The following CEP250 variants were observed in gnomAD, a reference collection of about 807,000 sequenced individuals.
CEP250 encodes the protein centrosome-associated protein CEP250.
A neutral mutation model predicts 315.7 loss-of-function variants in CEP250; 242 were observed. The observed-to-expected ratio is 0.77, with a 90% CI of 0.69 to 0.85. CEP250 has a LOEUF of 0.85. Ranked by LOEUF, CEP250 falls within the 40% of genes least tolerant of loss-of-function variation. CEP250 has a pLI of 0.00. For synonymous variants in CEP250, 1,088 were observed against 1,175.0 expected, an observed-to-expected ratio of 0.93 and a Z score of 1.51; for missense variants, 2,515 against 2,886.4, an observed-to-expected ratio of 0.87 and a Z score of 2.95.
rs2064396415 is a variant in CEP250, at chr20:35,513,414, A to G, written c.*1788A>G. 1 of 152,098 alleles carries G rather than the reference A, an allele frequency of 6.6e-6. No homozygotes were observed. Among genetic ancestry groups the G allele is most frequent in the South Asian group, 2.1e-4 (1 of 4,826 alleles). The allele number at this position is 152,098 out of a possible 1,614,324, so 9.4% of individuals were successfully genotyped here. Reference sequence around the variant, plus strand: ...TCTGGGATTATAGACACGTGCCACCATGCCCGGCTAATTTTGTATTTTTAG... The same window carrying G: ...TCTGGGATTATAGACACGTGCCACCGTGCCCGGCTAATTTTGTATTTTTAG... On this transcript the variant is annotated 3_prime_UTR_variant, in exon 35 of 35. Transcript: ENST00000397527.
At position 35,496,135 on chromosome 20, in the gene CEP250, G is replaced by A. The variant is rs760630710; in HGVS notation, c.3168-442G>A. 6.6e-5 allele frequency among the ~76,000 whole-genome samples: 10 copies of A among 152,098 alleles called. No individual in the cohort carries two copies. The East Asian group carries it at 9.6e-4, about 15-fold the overall frequency. On this transcript the variant is annotated intron_variant, in intron 24 of 34. Transcript: ENST00000397527. ...TGGGGAAGATTTGGACATGTTGAACGTGAGGTACTAATATAAGGTATGTGT... is the reference window on the plus strand; with the variant it reads ...TGGGGAAGATTTGGACATGTTGAACATGAGGTACTAATATAAGGTATGTGT...
intron 3 of CEP250, among the ~76,000 whole-genome samples, chr20:35,461,397 C>CT (rs1454478181): frequency 1.4e-4 from 21 of 152,194 alleles, no homozygotes; most frequent in African/African-American, 4.6e-4. Flanking sequence ...ACCCAGAACT[C>CT]TTTACCACCA....
At chr20:35,499,680 G>C (rs2147123766) in intron 27 of CEP250, among the ~76,000 whole-genome samples, 1 of 152,330 alleles carries the variant, frequency 6.6e-6, no homozygotes, top group East Asian at 1.9e-4. Context: ...CTAGGAGGAG[G>C]GGGCAATTCA....
In CEP250 at chr20:35,504,675, T is replaced by C. The variant is rs771075290; in HGVS notation, c.6306T>C (p.Thr2102=). The C allele has an allele frequency of 6.2e-7, 1 of 1,614,080 alleles. No individual in the cohort carries two copies. Among genetic ancestry groups the C allele is most frequent in the East Asian group, 2.2e-5 (1 of 44,870 alleles). ...AGAGTGTAAGGGAGCTACAGCTGAC[T>C]CTAGCCCAAAAGGAACAGGAGATTC... ...LHQSVRELQL[T]LAQKEQEILE... The change falls in exon 30 of 35, where the codon ACT becomes ACC. Residue 2102 remains threonine, a synonymous_variant. Transcript: ENST00000397527.
Position 35,515,438 on chromosome 20 carries a change from T to C in CEP250, c.*3812T>C. On this transcript the variant is annotated 3_prime_UTR_variant, in exon 35 of 35. Transcript: ENST00000397527. ...TGCTGGTGAAGGCAGGCTTTGTAGA[T>C]GCGGGGCTGAATTGAGCAGCCACAG... is the stretch of plus-strand genomic sequence containing the variant. 6.6e-6 allele frequency: 1 copy of C among 152,236 alleles called. No individual in the cohort carries two copies. The highest frequency in any genetic ancestry group is 1.5e-5 in the Non-Finnish European group (1 of 68,074). 9.4% of individuals were successfully genotyped at this position (152,236 alleles called of 1,614,324 possible).
chr20:35,492,694 G>C (rs2063730639), intron 22 of CEP250, among the ~76,000 whole-genome samples: 1 of 152,182 alleles, frequency 6.6e-6, no homozygotes, highest in South Asian at 2.1e-4. Flanking sequence ...CTTGGATTTT[G>C]TTCTAAGAGC....
chr20:35,502,250 T>C, intron 29 of CEP250, 140 bp from the exon 30 acceptor site: 1 of 772,570 alleles, frequency 1.3e-6, no homozygotes, highest in Non-Finnish European at 2.0e-6. Context: ...AGTATCAGCT[T>C]AAGTGGAATA....
chr20:35,504,502 G>C lies in CEP250; in HGVS notation c.6133G>C (p.Ala2045Pro). 1 of 1,613,884 alleles carries C rather than the reference G, an allele frequency of 6.2e-7. No homozygotes were observed. The highest frequency in any genetic ancestry group is 8.5e-7 in the Non-Finnish European group (1 of 1,179,868). Residue 2045 changes from alanine (A) to proline (P), a missense_variant, in exon 30 of 35, where the codon GCC becomes CCC. Coordinates refer to ENST00000397527, the MANE Select transcript of CEP250 (RefSeq NM_007186.6). ...TGTGCAGCAGCTGCAGCAGGCACTT[G>C]CCCAGAGGGATGAAGAGCTGAGACA... ...EDVQQLQQAL[A>P]QRDEELRHQQ...
intron 1 of CEP250, among the ~76,000 whole-genome samples, chr20:35,456,231 T>G (rs947222653): frequency 6.6e-6 from 1 of 152,182 alleles, no homozygotes. Context: ...TCCTATGGGG[T>G]GAGTTCTTTC....
chr20:35,499,833 G>A (rs2063950802), intron 27 of CEP250, among the ~76,000 whole-genome samples: 1 of 152,146 alleles, frequency 6.6e-6, no homozygotes, highest in South Asian at 2.1e-4. Context: ...AGGTCAGAAG[G>A]GGATGGATTC....
Position 35,507,840 on chromosome 20 carries a change from C to T in CEP250, c.6739C>T (p.Gln2247Ter). 1 of 1,598,914 alleles carries T rather than the reference C, an allele frequency of 6.3e-7. No individual in the cohort carries two copies. ...GGGGTCCAGAGGGGAGCAGGGTGTG[C>T]AGCTGGGAGAGGTGAGCTGGGGGCT... is the stretch of plus-strand genomic sequence containing the variant. ...ELGSRGEQGV[Q>*]LGEVSGVEAE... The change falls in exon 31 of 35, where the codon CAG becomes TAG. Residue 2247 changes from glutamine to a stop codon, truncating the protein, a stop_gained. Transcript: ENST00000397527. LOFTEE classifies it high-confidence loss of function.
At chr20:35,510,492 G>T (rs1218717669) in intron 34 of CEP250, among the ~76,000 whole-genome samples, 1 of 152,184 alleles carries the variant, frequency 6.6e-6, no homozygotes, top group Non-Finnish European at 1.5e-5. Context: ...GCCGCCACTC[G>T]CAGAGAAGTG....
At chr20:35,455,218 G>C (rs1358959987), upstream of CEP250, 1 of 152,344 alleles carries the variant, frequency 6.6e-6, no homozygotes, top group Non-Finnish European at 1.5e-5. Context: ...CTAGCCGGGC[G>C]TCTGCGGGAG....
chr20:35,500,117 G>A lies in CEP250; in HGVS notation c.3846G>A (p.Gln1282=). The A allele has an allele frequency of 1.2e-6, 2 of 1,613,818 alleles. No individual in the cohort carries two copies. Among genetic ancestry groups the A allele is most frequent in the Non-Finnish European group, 1.7e-6 (2 of 1,179,944 alleles). The change falls in exon 28 of 35, where the codon CAG becomes CAA. Residue 1282 remains glutamine, a synonymous_variant. Transcript: ENST00000397527. The stretch of plus-strand genomic sequence containing the variant: ...CTGATACTGAGGCTGAGAAGAGCCA[G>A]GTCCACACAGAGTTGCAGGATCTGC... The part of the protein sequence containing the change: ...RLTDTEAEKS[Q]VHTELQDLQR...
In CEP250 at chr20:35,466,061, A is replaced by C. The variant is rs2062870657; in HGVS notation, c.349A>C (p.Asn117His). 5 of 1,614,218 alleles carry C rather than the reference A, an allele frequency of 3.1e-6. No homozygotes were observed. In the East Asian group the frequency reaches 1.1e-4, roughly 36 times the overall value. ...CAGGTGTGAGAGTCTAGCAGAGGTG[A>C]ACACCCAGCTTCGACTGCACATGGA... ...QQRCESLAEV[N>H]TQLRLHMEKA... Residue 117 changes from asparagine (N) to histidine (H), a missense_variant, in exon 7 of 35, where the codon AAC becomes CAC. Physicochemically the swap from Asn to His is moderately conservative, Grantham distance 68. Coordinates refer to ENST00000397527, the MANE Select transcript of CEP250 (RefSeq NM_007186.6).
In CEP250 at chr20:35,504,109, G is replaced by C. The variant is rs2064107628; in HGVS notation, c.5740G>C (p.Ala1914Pro). 1.2e-6 allele frequency: 2 copies of C among 1,613,110 alleles called. No individual in the cohort carries two copies. The highest frequency in any genetic ancestry group is 2.7e-5 in the African/African-American group (2 of 74,930). ...CCTCCAGCAGCAGTGTGCTGAGCAG[G>C]CACAGGAGCATGAGGTGGAGACCAG... ...LALQQQCAEQ[A>P]QEHEVETRAL... The change falls in exon 30 of 35, where the codon GCA becomes CCA. Residue 1914 changes from alanine (A) to proline (P), a missense_variant. Ala to Pro is a conservative substitution (Grantham distance 27). Transcript: ENST00000397527.
In CEP250 at chr20:35,517,125, C is replaced by A; in HGVS notation, c.*5499C>A. 1.7e-6 allele frequency: 1 copy of A among 587,994 alleles called. No homozygotes were observed. Among genetic ancestry groups the A allele is most frequent in the Non-Finnish European group, 2.1e-6 (1 of 466,514 alleles). The allele number at this position is 587,994 out of a possible 1,614,324, so 36.4% of individuals were successfully genotyped here. On this transcript the variant is annotated 3_prime_UTR_variant, in exon 35 of 35. Coordinates refer to ENST00000397527, the MANE Select transcript of CEP250 (RefSeq NM_007186.6). ...GTCCGCAGAACACCTCCTTCCAGCA[C>A]CTTAGCTCCTGCCTCCCTCTGGACC... is the stretch of plus-strand genomic sequence containing the variant.
In CEP250 at chr20:35,466,965, G is replaced by T; in HGVS notation, c.493-1G>T. On this transcript the variant is annotated splice_acceptor_variant, in intron 7 of 34. Transcript: ENST00000397527. LOFTEE classifies it high-confidence loss of function. Reference sequence around the variant, plus strand: ...TATGACCTGGGTTTCTGAACACACAGTTCTTCAAGGGCTACCTGAAAGGGG... The same window carrying T: ...TATGACCTGGGTTTCTGAACACACATTTCTTCAAGGGCTACCTGAAAGGGG... 6.2e-7 allele frequency: 1 copy of T among 1,608,336 alleles called. No individual in the cohort carries two copies. Among genetic ancestry groups the T allele is most frequent in the Non-Finnish European group, 8.5e-7 (1 of 1,174,874 alleles).
intron 28 of CEP250, among the ~76,000 whole-genome samples, chr20:35,501,114 A>G (rs2063989410): frequency 6.6e-6 from 1 of 152,146 alleles, no homozygotes; most frequent in South Asian, 2.1e-4. Flanking sequence ...AGGACTAGAA[A>G]GTGTCATGAC....
Sources: gnomAD v4.1 joint callset for allele counts (sites outside exome capture counted in the v4.1 genomes callset) on GRCh38, gnomAD v4.1.1 for gene constraint, MANE v1.5 for transcripts, NCBI Gene and HGNC (gene_info 2026-07-23, HGNC 2026-07-21) for gene names.